The following UBE2V2 variants were observed in gnomAD, a reference collection of about 807,000 sequenced individuals.
UBE2V2 encodes ubiquitin-conjugating enzyme E2 variant 2.
A neutral mutation model predicts 17.2 loss-of-function variants in UBE2V2; 9 were observed. The observed-to-expected ratio is 0.52, with a 90% CI of 0.32 to 0.91. UBE2V2 has a LOEUF of 0.91. Ranked by LOEUF, UBE2V2 falls within the 40% of genes least tolerant of loss-of-function variation. UBE2V2 has a pLI of 0.04. For synonymous variants in UBE2V2, 61 were observed against 57.5 expected, an observed-to-expected ratio of 1.06 and a Z score of -0.28; for missense variants, 133 against 182.6, an observed-to-expected ratio of 0.73 and a Z score of 1.56.
intron 2 of UBE2V2, among the ~76,000 whole-genome samples, chr8:48,048,984 T>G (rs1164154718): frequency 1.3e-5 from 2 of 152,174 alleles, no homozygotes; most frequent in African/African-American, 2.4e-5. Context: ...TGAGGATTCA[T>G]TTATTTTTTA....
At chr8:48,046,829 G>A (rs961243121) in intron 2 of UBE2V2, among the ~76,000 whole-genome samples, 1 of 151,698 alleles carries the variant, frequency 6.6e-6, no homozygotes, top group African/African-American at 2.4e-5. Flanking sequence ...TCAAACTCCT[G>A]GGCTCAAATG....
chr8:48,020,005 A>G (rs1430472130), intron 1 of UBE2V2, among the ~76,000 whole-genome samples: 1 of 151,938 alleles, frequency 6.6e-6, no homozygotes, highest in Non-Finnish European at 1.5e-5. Flanking sequence ...TTTATCTGAT[A>G]TAAGTGAAGC....
At chr8:47,999,808 G>A in the UBE2V2 span, among the ~76,000 whole-genome samples, 4 of 152,122 alleles carry the variant, frequency 2.6e-5, no homozygotes, top group Non-Finnish European at 5.9e-5. Flanking sequence ...CGGGAGCATC[G>A]GCAGACTCAC....
chr8:48,035,958 T>TA (rs1443229966), intron 1 of UBE2V2, among the ~76,000 whole-genome samples: 1 of 131,056 alleles, frequency 7.6e-6, no homozygotes, highest in Non-Finnish European at 1.8e-5. Flanking sequence ...CTTTTTTTTT[T>TA]TTTTTTTTTT....
chr8:48,052,876 C>T (rs1339537273), intron 3 of UBE2V2, among the ~76,000 whole-genome samples: 1 of 152,186 alleles, frequency 6.6e-6, no homozygotes, highest in African/African-American at 2.4e-5. Flanking sequence ...GTCTGGCTAA[C>T]TCCTATGGGT....
intron 1 of UBE2V2, 109 bp downstream of exon 1, chr8:48,008,579 G>C: frequency 2.1e-6 from 3 of 1,429,154 alleles, no homozygotes; most frequent in Admixed American, 3.0e-5. Flanking sequence ...CGAGTGCGCT[G>C]TCTCGAATGC....
intron 1 of UBE2V2, among the ~76,000 whole-genome samples, chr8:48,010,260 G>A (rs1282988684): frequency 7.0e-6 from 1 of 142,132 alleles, no homozygotes; most frequent in African/African-American, 2.6e-5. Flanking sequence ...TTTTTGAGAT[G>A]GAGTCTCGCT....
chr8:48,043,611 A>T (rs1427400645), intron 2 of UBE2V2: 1 of 152,810 alleles, frequency 6.5e-6, no homozygotes, highest in African/African-American at 2.4e-5. Flanking sequence ...AACATTCCAG[A>T]TAGAGAGGAG....
chr8:48,003,283 T>G, the UBE2V2 span, among the ~76,000 whole-genome samples: 1 of 151,878 alleles, frequency 6.6e-6, no homozygotes, highest in Admixed American at 6.6e-5. Context: ...TAGAAGCTGC[T>G]GGCAGGTCAA....
chr8:48,041,967 A>G (rs2091467228), intron 1 of UBE2V2: 1 of 151,952 alleles, frequency 6.6e-6, no homozygotes, highest in African/African-American at 2.4e-5. Flanking sequence ...CTAATTTCGT[A>G]TTTCTAATAG....
rs1802613788 is a variant in UBE2V2, at chr8:48,062,605, GAA to G, written c.*1781_*1782del. On this transcript the variant is annotated 3_prime_UTR_variant, in exon 4 of 4. Coordinates refer to ENST00000523111, the MANE Select transcript of UBE2V2 (RefSeq NM_003350.3). ...TCCATCTCAAAAAAAAAAAAAAAAA[GAA>G]AAATATTAATAATTGACCTTGGCTG... 7.3e-6 allele frequency: 1 copy of G among 136,472 alleles called. No individual in the cohort carries two copies. 8.5% of individuals were successfully genotyped at this position (136,472 alleles called of 1,614,324 possible).
At chr8:48,052,908 T>G (rs1022392571) in intron 3 of UBE2V2, among the ~76,000 whole-genome samples, 2 of 152,158 alleles carry the variant, frequency 1.3e-5, no homozygotes, top group African/African-American at 4.8e-5. Context: ...CACTGTAAAT[T>G]CCACTTTCTT....
intron 1 of UBE2V2, 109 bp downstream of exon 1, chr8:48,008,579 G>A: frequency 2.1e-6 from 3 of 1,429,154 alleles, no homozygotes; most frequent in African/African-American, 1.5e-5. Flanking sequence ...CGAGTGCGCT[G>A]TCTCGAATGC....
intron 3 of UBE2V2, 70 bp downstream of exon 3, chr8:48,050,048 C>A: frequency 9.4e-7 from 1 of 1,065,934 alleles, no homozygotes; most frequent in Non-Finnish European, 1.3e-6. Flanking sequence ...CGTACACACA[C>A]CATAATATAT....
At chr8:48,011,548 C>T (rs774808935) in intron 1 of UBE2V2, among the ~76,000 whole-genome samples, 2 of 152,138 alleles carry the variant, frequency 1.3e-5, no homozygotes, top group Non-Finnish European at 2.9e-5. Flanking sequence ...AAAGAAAAAC[C>T]CTGACAAATA....
chr8:48,044,051 G>GT (rs762760247), intron 2 of UBE2V2, among the ~76,000 whole-genome samples: 5 of 151,744 alleles, frequency 3.3e-5, no homozygotes, highest in Non-Finnish European at 7.4e-5. Context: ...CATTTGAAGG[G>GT]TTTTTTAAGT....
intron 1 of UBE2V2, among the ~76,000 whole-genome samples, chr8:48,017,368 TTC>T (rs768451931): frequency 5.3e-5 from 8 of 151,854 alleles, no homozygotes; most frequent in Non-Finnish European, 1.2e-4. Flanking sequence ...ATTCTGTATG[TTC>T]TCTCTCTCTT....
At chr8:48,007,130 C>T (rs1211935986), upstream of UBE2V2, among the ~76,000 whole-genome samples, 3 of 151,940 alleles carry the variant, frequency 2.0e-5, no homozygotes, top group East Asian at 1.9e-4. Flanking sequence ...CCTCGTGATC[C>T]GCCCGCCTCC....
intron 1 of UBE2V2, among the ~76,000 whole-genome samples, chr8:48,034,066 G>C (rs1214859738): frequency 6.6e-6 from 1 of 151,468 alleles, no homozygotes; most frequent in East Asian, 1.9e-4. Flanking sequence ...TTCCTTTCCA[G>C]CTCCAACCTT....
Sources: allele counts gnomAD v4.1 joint callset (sites outside exome capture counted in the v4.1 genomes callset), GRCh38; gene constraint gnomAD v4.1.1; transcripts MANE v1.5; gene names NCBI Gene and HGNC (gene_info 2026-07-23, HGNC 2026-07-21).